HEATR5A: variants seen among roughly 807,000 people sequenced by gnomAD.
HEATR5A encodes HEAT repeat containing 5A, also known as HEAT repeat-containing protein 5A.
A neutral mutation model predicts 218.8 loss-of-function variants in HEATR5A; 178 were observed. The ratio of observed to expected loss-of-function variants is 0.81; its 90% confidence interval spans 0.72 to 0.92. The LOEUF (loss-of-function observed/expected upper bound fraction) is 0.92. Among genes scored for constraint, HEATR5A ranks in the 40% least tolerant of loss-of-function variants. The pLI is 0.00. For synonymous variants in HEATR5A, 864 were observed against 871.6 expected, an observed-to-expected ratio of 0.99 and a Z score of 0.15; for missense variants, 2,420 against 2,418.9, an observed-to-expected ratio of 1.00 and a Z score of -0.01.
At chr14:31,355,285 G>A (rs1901383539) in intron 16 of HEATR5A, among the ~76,000 whole-genome samples, 1 of 151,680 alleles carries the variant, frequency 6.6e-6, no homozygotes, top group Non-Finnish European at 1.5e-5. Flanking sequence ...ATGGTGGCGT[G>A]TGCTGTAGTC....
chr14:31,304,165 T>C (rs1446781924), intron 32 of HEATR5A, among the ~76,000 whole-genome samples: 1 of 152,178 alleles, frequency 6.6e-6, no homozygotes, highest in Non-Finnish European at 1.5e-5. Flanking sequence ...ACTATGACTG[T>C]TCCACTGCAC....
At chr14:31,387,717 GC>G (rs2030288405) in intron 7 of HEATR5A, among the ~76,000 whole-genome samples, 1 of 152,056 alleles carries the variant, frequency 6.6e-6, no homozygotes, top group Non-Finnish European at 1.5e-5. Flanking sequence ...CCGCCACCAA[GC>G]CCGGCTAATT....
chr14:31,350,709 A>G lies in HEATR5A; in HGVS notation c.2420T>C (p.Ile807Thr). The G allele has an allele frequency of 3.9e-6, 6 of 1,524,560 alleles. No homozygotes were observed. The highest frequency in any genetic ancestry group is 5.4e-6 in the Non-Finnish European group (6 of 1,108,422). 94.4% of individuals were successfully genotyped at this position (1,524,560 alleles called of 1,614,324 possible). The change falls in exon 17 of 36, where the codon ATA (isoleucine) becomes ACA (threonine). Residue 807 changes from isoleucine (I) to threonine (T), a missense_variant. Coordinates refer to ENST00000543095, the MANE Select transcript of HEATR5A (RefSeq NM_015473.4). Reference sequence around the variant, plus strand: ...TATACTGTCCAAAAGCTGTTCCAATATAAGAAGCCTACAATCAGAAATAAC... The same window carrying G: ...TATACTGTCCAAAAGCTGTTCCAATGTAAGAAGCCTACAATCAGAAATAAC... ...AHVGETQRLLILEQLLDSIKH... is the reference protein window; with the variant it reads ...AHVGETQRLLTLEQLLDSIKH...
rs533865881 is a variant in HEATR5A at position 31,296,217 on chromosome 14, T to A, written c.5465-154A>T. 7 of 536,800 alleles carry A rather than the reference T, an allele frequency of 1.3e-5. No homozygotes were observed. The South Asian group carries it at 1.8e-4, about 14-fold the overall frequency. 33.3% of individuals were successfully genotyped at this position (536,800 alleles called of 1,614,324 possible). On this transcript the variant is annotated intron_variant, in intron 33 of 35. Coordinates refer to ENST00000543095, the MANE Select transcript of HEATR5A (RefSeq NM_015473.4). ...ACCCTGGCAAAGGTACATTTTAAGA[T>A]GTGCATTATAAGTAATTCTAGAGCT...
chr14:31,313,360 A>G lies in HEATR5A; in HGVS notation c.4219-170T>C, dbSNP rs575067356. Among the ~76,000 whole-genome samples the G allele has an allele frequency of 3.9e-5, 6 of 152,318 alleles. No homozygotes were observed. The South Asian group carries it at 1.2e-3, about 32-fold the overall frequency. On this transcript the variant is annotated intron_variant, in intron 27 of 35. Coordinates refer to ENST00000543095, the MANE Select transcript of HEATR5A (RefSeq NM_015473.4). ...GTAACTACACACAGAAAACTGGGGT[A>G]GAAAGAGTCAAAAATACTATCTTCA...
intron 24 of HEATR5A, 134 bp from the exon 25 acceptor site, chr14:31,321,814 G>T: frequency 1.5e-6 from 1 of 662,610 alleles, no homozygotes; most frequent in Non-Finnish European, 2.5e-6. Context: ...TGTTTTTGCT[G>T]TTTGTTAAAT....
chr14:31,403,095 A>C lies in HEATR5A; in HGVS notation c.-74-46T>G, dbSNP rs1213885278. 12 of 870,168 alleles carry C rather than the reference A, an allele frequency of 1.4e-5. No homozygotes were observed. The African/African-American group carries it at 1.7e-4, about 12-fold the overall frequency. 53.9% of individuals were successfully genotyped at this position (870,168 alleles called of 1,614,324 possible). A position where few individuals can be genotyped will look rare whatever the true frequency, so the allele number is the denominator to read the frequency against. On this transcript the variant is annotated intron_variant, in intron 1 of 35. Transcript: ENST00000543095. ...GTATTTTAAAAGGGGGGTAAAAAGG[A>C]AGGCAATCATAACGGAAATCAGAAA... is the stretch of plus-strand genomic sequence containing the variant.
rs764405440 is a variant in HEATR5A, at chr14:31,387,071, A to G, written c.1189+49T>C. 3.8e-5 allele frequency: 61 copies of G among 1,588,126 alleles called. 1 individual carries two copies. The South Asian group carries it at 6.5e-4, about 17-fold the overall frequency. The stretch of plus-strand genomic sequence containing the variant: ...ATATCAGTCTAGCTTTCCCAAAGGG[A>G]CAATTCCATTAGCACTGTTAAACAA... On this transcript the variant is annotated intron_variant, in intron 8 of 35. Coordinates refer to ENST00000543095, the MANE Select transcript of HEATR5A (RefSeq NM_015473.4).
intron 25 of HEATR5A, among the ~76,000 whole-genome samples, chr14:31,319,020 CTAA>C (rs1226688264): frequency 3.3e-5 from 5 of 152,156 alleles, no homozygotes; most frequent in Non-Finnish European, 5.9e-5. Context: ...TAAGAGATTC[CTAA>C]TAATAATTTT....
chr14:31,292,043 A>G lies in HEATR5A; in HGVS notation c.*1262T>C, dbSNP rs1178244667. ...GATTCACACAGTATAACACTGAAGT[A>G]GAAGGAGAATCAACAATCATGAACA... On this transcript the variant is annotated 3_prime_UTR_variant, in exon 36 of 36. Transcript: ENST00000543095. The G allele has an allele frequency of 6.6e-6, 1 of 152,260 alleles. No homozygotes were observed. Among genetic ancestry groups the G allele is most frequent in the Non-Finnish European group, 1.5e-5 (1 of 68,044 alleles). The allele number at this position is 152,260 out of a possible 1,614,324, so 9.4% of individuals were successfully genotyped here. A position where few individuals can be genotyped will look rare whatever the true frequency, so the allele number is the denominator to read the frequency against.
chr14:31,335,054 T>C (rs573359863), intron 22 of HEATR5A, among the ~76,000 whole-genome samples: 1 of 151,886 alleles, frequency 6.6e-6, no homozygotes, highest in African/African-American at 2.4e-5. Context: ...CAAGACCCTC[T>C]ACCAGCAAAA....
At position 31,361,082 on chromosome 14, in the gene HEATR5A, T is replaced by C. The variant is rs554802581; in HGVS notation, c.2072-2025A>G. Reference sequence around the variant, plus strand: ...GGTAAGGAAACAGGAACAGGGAATTTATTACTTGCCAGAGATCATATGATG... The same window carrying C: ...GGTAAGGAAACAGGAACAGGGAATTCATTACTTGCCAGAGATCATATGATG... On this transcript the variant is annotated intron_variant, in intron 14 of 35. Coordinates refer to ENST00000543095, the MANE Select transcript of HEATR5A (RefSeq NM_015473.4). Among the ~76,000 whole-genome samples, 8 of 152,334 alleles carry C rather than the reference T, an allele frequency of 5.3e-5. No individual in the cohort carries two copies. The South Asian group carries it at 1.7e-3, about 32-fold the overall frequency.
intron 6 of HEATR5A, 56 bp from the exon 7 acceptor site, chr14:31,389,061 GTTCTTGATTTGC>G: frequency 7.0e-7 from 1 of 1,436,586 alleles, no homozygotes; most frequent in Admixed American, 2.3e-5. Flanking sequence ...TTTAATGTAA[GTTCTTGATTTGC>G]AAAAAGCATG....
chr14:31,333,948 A>C (rs1240655934), intron 22 of HEATR5A, among the ~76,000 whole-genome samples: 1 of 151,158 alleles, frequency 6.6e-6, no homozygotes, highest in African/African-American at 2.4e-5. Flanking sequence ...TGAGGTGGAA[A>C]GATCACATGA....
intron 21 of HEATR5A, among the ~76,000 whole-genome samples, chr14:31,341,872 G>C (rs1300956570): frequency 6.6e-6 from 1 of 152,128 alleles, no homozygotes; most frequent in Non-Finnish European, 1.5e-5. Context: ...TTTAAATGGA[G>C]AGTAAAAGAT....
chr14:31,314,289 G>A (rs981502597), intron 27 of HEATR5A, among the ~76,000 whole-genome samples: 1 of 151,180 alleles, frequency 6.6e-6, no homozygotes, highest in Non-Finnish European at 1.5e-5. Flanking sequence ...ATGGAGTTTC[G>A]CTCTTGTTCC....
chr14:31,387,242 C>G lies in HEATR5A; in HGVS notation c.1067G>C (p.Cys356Ser). The G allele has an allele frequency of 1.2e-6, 2 of 1,613,924 alleles. No homozygotes were observed. The highest frequency in any genetic ancestry group is 1.7e-6 in the Non-Finnish European group (2 of 1,179,876). ...AATAAATGAAACACAACGGCGACAG[C>G]AGACGGCATCGATCTGAGTTTGGGT... ...KATQTQIDAV[C>S]CRRCVSFILR... is the part of the protein sequence containing the mutation. The change falls in exon 8 of 36, where the codon TGC becomes TCC. Residue 356 changes from cysteine (C) to serine (S), a missense_variant. Cys to Ser is a moderately radical substitution (Grantham distance 112, BLOSUM62 -1). Coordinates refer to ENST00000543095, the MANE Select transcript of HEATR5A (RefSeq NM_015473.4).
intron 1 of HEATR5A, among the ~76,000 whole-genome samples, chr14:31,404,130 T>G (rs766551559): frequency 2.6e-5 from 4 of 152,118 alleles, no homozygotes; most frequent in Non-Finnish European, 5.9e-5. Flanking sequence ...AGTTGGCTAT[T>G]AAAAAATACT....
intron 7 of HEATR5A, 75 bp downstream of exon 7, chr14:31,388,770 C>T (rs557949236): frequency 1.4e-5 from 16 of 1,183,032 alleles, no homozygotes; most frequent in Admixed American, 8.7e-5. Flanking sequence ...AGTACCACTT[C>T]TGTGGAGTCA....
Sources: gnomAD v4.1 joint callset for allele counts (sites outside exome capture counted in the v4.1 genomes callset) on GRCh38, gnomAD v4.1.1 for gene constraint, MANE v1.5 for transcripts, NCBI Gene and HGNC (gene_info 2026-07-23, HGNC 2026-07-21) for gene names.